Variants in NDUFAF6 observed in about 807,000 individuals in gnomAD.
The protein encoded by NDUFAF6 is NADH dehydrogenase (ubiquinone) complex I, assembly factor 6.
Under a neutral mutation model 40.8 loss-of-function variants are expected in NDUFAF6, and 45 were observed. That is an observed-to-expected ratio of 1.10 (90% CI 0.87 to 1.42). The LOEUF is 1.42. NDUFAF6 is among the 40% of genes most tolerant of loss of function. The probability of loss-of-function intolerance (pLI) is 0.00; values close to 1 mark genes in which losing one functional copy is unlikely to be tolerated. For synonymous variants in NDUFAF6, 185 were observed against 155.9 expected (o/e 1.19, Z -1.39); for missense variants, 435 against 418.5 (o/e 1.04, Z -0.34).
chr8:95,054,546 T>C (rs1303026948), intron 8 of NDUFAF6, among the ~76,000 whole-genome samples: 1 of 151,936 alleles, frequency 6.6e-6, no homozygotes, highest in Non-Finnish European at 1.5e-5. Context: ...GCGATTCTCC[T>C]GCCTCAGCTT....
chr8:95,029,941 G>A (rs1390112902), intron 1 of NDUFAF6, among the ~76,000 whole-genome samples: 1 of 151,912 alleles, frequency 6.6e-6, no homozygotes, highest in Non-Finnish European at 1.5e-5. Context: ...AGCAAGAAGT[G>A]CATACTTACT....
intron 1 of NDUFAF6, among the ~76,000 whole-genome samples, chr8:94,916,855 C>T (rs1819164695): frequency 6.8e-6 from 1 of 146,878 alleles, no homozygotes; most frequent in African/African-American, 2.5e-5. Context: ...TGGCTCACAC[C>T]TGTAATCCCA....
intron 4 of NDUFAF6, among the ~76,000 whole-genome samples, chr8:95,043,205 C>T (rs1471978212): frequency 6.6e-6 from 1 of 151,754 alleles, no homozygotes; most frequent in East Asian, 1.9e-4. Flanking sequence ...CTGCCTCAGC[C>T]TCCTGAGTAG....
At chr8:95,086,838 C>G (rs933432770) in intron 2 of NDUFAF6, among the ~76,000 whole-genome samples, 3 of 152,010 alleles carry the variant, frequency 2.0e-5, no homozygotes, top group Non-Finnish European at 4.4e-5. Context: ...CTCCTGACTT[C>G]GTGATCCGCC....
In NDUFAF6 at chr8:94,942,891, G is replaced by A. The variant is rs186580125; in HGVS notation, c.-935-2592G>A. Among the ~76,000 whole-genome samples the A allele has an allele frequency of 1.7e-3, 261 of 152,284 alleles. 1 individual carries two copies. Among genetic ancestry groups the A allele is most frequent in the African/African-American group, 6.1e-3 (253 of 41,550 alleles). On this transcript the variant is annotated intron_variant, in intron 1 of 14. Transcript: ENST00000396113. Reference sequence around the variant, plus strand: ...GTCACAATAGCAGGCTAGGGGAGCTGAGCAGGAACCAGGTCCTGCAGGGCC... The same window carrying A: ...GTCACAATAGCAGGCTAGGGGAGCTAAGCAGGAACCAGGTCCTGCAGGGCC...
At chr8:95,064,514 T>G (rs887800248) in intron 9 of NDUFAF6, among the ~76,000 whole-genome samples, 1 of 150,818 alleles carries the variant, frequency 6.6e-6, no homozygotes, top group Non-Finnish European at 1.5e-5. Flanking sequence ...AGGTAAGAGA[T>G]AGCCACTGTG....
downstream of NDUFAF6, among the ~76,000 whole-genome samples, chr8:95,059,501 C>T (rs1832512928): frequency 6.6e-6 from 1 of 152,164 alleles, no homozygotes; most frequent in Admixed American, 6.5e-5. Flanking sequence ...AGTAGATCCC[C>T]TTCTTTAATT....
At chr8:95,086,705 C>T (rs1457766351) in intron 2 of NDUFAF6, among the ~76,000 whole-genome samples, 1 of 151,434 alleles carries the variant, frequency 6.6e-6, no homozygotes, top group African/African-American at 2.4e-5. Context: ...GGGTTCATGC[C>T]ATTCTCCTGC....
chr8:94,982,229 C>T (rs1416494620), intron 2 of NDUFAF6, among the ~76,000 whole-genome samples: 1 of 147,152 alleles, frequency 6.8e-6, no homozygotes. Context: ...GAGACTCCAT[C>T]TCAAAAAAAA....
intron 2 of NDUFAF6, among the ~76,000 whole-genome samples, chr8:95,002,676 T>A (rs1826789586): frequency 6.6e-6 from 1 of 152,230 alleles, no homozygotes. Flanking sequence ...TTAACATTAT[T>A]CAGTACCTGT....
chr8:95,003,897 T>C (rs1826846158), intron 2 of NDUFAF6, among the ~76,000 whole-genome samples: 2 of 152,166 alleles, frequency 1.3e-5, no homozygotes, highest in Non-Finnish European at 1.5e-5. Context: ...AATTAATGCT[T>C]TATTGGGTTT....
chr8:95,058,414 A>C lies in NDUFAF6; in HGVS notation c.*477A>C, dbSNP rs1483723630. The C allele has an allele frequency of 8.1e-7, 1 of 1,232,700 alleles. No individual in the cohort carries two copies. Among genetic ancestry groups the C allele is most frequent in the Non-Finnish European group, 1.0e-6 (1 of 988,688 alleles). The allele number at this position is 1,232,700 out of a possible 1,614,324, so 76.4% of individuals were successfully genotyped here. On this transcript the variant is annotated 3_prime_UTR_variant, in exon 9 of 9. Transcript: ENST00000396124. ...AAATAGTGAAATTAATATTTGAGGAATATCAGTCACGTGTTGTGGGCTTTT... is the reference window on the plus strand; with the variant it reads ...AAATAGTGAAATTAATATTTGAGGACTATCAGTCACGTGTTGTGGGCTTTT...
chr8:95,064,866 TC>T (rs1453687256), intron 9 of NDUFAF6, among the ~76,000 whole-genome samples: 2 of 152,206 alleles, frequency 1.3e-5, no homozygotes, highest in Non-Finnish European at 2.9e-5. Context: ...TTGCTGGGTT[TC>T]CTCAGTCTAC....
At chr8:94,993,601 G>A (rs942339259) in intron 2 of NDUFAF6, among the ~76,000 whole-genome samples, 17 of 152,220 alleles carry the variant, frequency 1.1e-4, no homozygotes, top group African/African-American at 4.1e-4. Context: ...TGGGCATGGA[G>A]GAGGAGAGCT....
chr8:95,102,977 C>T (rs1426287852), exon 3 of NDUFAF6: 2 of 152,182 alleles, frequency 1.3e-5, no homozygotes, highest in African/African-American at 4.8e-5. Flanking sequence ...TCTCTACAGG[C>T]TCTACAGTCT....
chr8:94,964,026 C>A (rs1037408907), intron 1 of NDUFAF6, among the ~76,000 whole-genome samples: 2 of 152,190 alleles, frequency 1.3e-5, no homozygotes, highest in African/African-American at 4.8e-5. Flanking sequence ...TGCTAAAATT[C>A]TGTGGCCTTA....
chr8:95,078,662 A>ATATATATATATAT (rs1554689343), downstream of NDUFAF6: 33 of 121,028 alleles, frequency 2.7e-4, no homozygotes, highest in African/African-American at 1.0e-3. Context: ...AAAAAAAAAA[A>ATATATATATATAT]ATATATATAT....
intron 1 of NDUFAF6, chr8:94,941,202 T>C (rs1002102762): frequency 5.9e-5 from 19 of 319,438 alleles, no homozygotes; most frequent in African/African-American, 4.0e-4. Context: ...TTGGCCTACA[T>C]TCTACAGCTA....
At chr8:94,963,959 G>C (rs1437598819) in intron 1 of NDUFAF6, among the ~76,000 whole-genome samples, 1 of 152,110 alleles carries the variant, frequency 6.6e-6, no homozygotes, top group African/African-American at 2.4e-5. Context: ...CATCCTGTTA[G>C]GGCTGTGGGA....
Sources: gnomAD v4.1 joint callset for allele counts (sites outside exome capture counted in the v4.1 genomes callset) on GRCh38, gnomAD v4.1.1 for gene constraint, MANE v1.5 for transcripts, NCBI Gene and HGNC (gene_info 2026-07-23, HGNC 2026-07-21) for gene names.